CSNK1G1: variants seen among roughly 807,000 people sequenced by gnomAD.
CSNK1G1 encodes casein kinase I isoform gamma-1.
CSNK1G1 carries 22 observed loss-of-function variants against 59.6 expected under a neutral mutation model. The observed-to-expected ratio is 0.37, with a 90% CI of 0.26 to 0.53. CSNK1G1 has a LOEUF of 0.53. Among genes scored for constraint, CSNK1G1 ranks in the 20% least tolerant of loss-of-function variants. CSNK1G1 has a pLI of 0.89. For synonymous variants in CSNK1G1, 179 were observed against 177.1 expected (o/e 1.01, Z -0.08); for missense variants, 384 against 519.5 (o/e 0.74, Z 2.54).
chr15:64,346,062 T>C (rs1897945210), intron 1 of CSNK1G1, among the ~76,000 whole-genome samples: 1 of 152,090 alleles, frequency 6.6e-6, no homozygotes, highest in Non-Finnish European at 1.5e-5. Context: ...GTGCTGAGTG[T>C]GAGCCACTGC....
intron 8 of CSNK1G1, 50 bp downstream of exon 8, chr15:64,204,815 T>A (rs377420695): frequency 3.1e-6 from 4 of 1,303,830 alleles, no homozygotes; most frequent in Non-Finnish European, 4.5e-6. Flanking sequence ...TCATGGACTC[T>A]ACCTAGTTTC....
intron 10 of CSNK1G1, chr15:64,181,269 T>A (rs1420801528): frequency 6.5e-7 from 1 of 1,536,110 alleles, no homozygotes. Flanking sequence ...CTCACTCCTG[T>A]CATCTGGTTA....
intron 2 of CSNK1G1, among the ~76,000 whole-genome samples, chr15:64,296,146 G>A (rs1895008326): frequency 6.6e-6 from 1 of 151,982 alleles, no homozygotes; most frequent in Admixed American, 6.6e-5. Context: ...TTTGAGACAC[G>A]GTCTCACTCT....
chr15:64,260,300 C>T (rs1017293084), intron 2 of CSNK1G1, among the ~76,000 whole-genome samples: 5 of 151,930 alleles, frequency 3.3e-5, no homozygotes, highest in Admixed American at 6.6e-5. Context: ...TGGTACTGTA[C>T]GTACAGCATA....
chr15:64,275,102 G>A (rs1419944681), intron 2 of CSNK1G1, among the ~76,000 whole-genome samples: 1 of 152,118 alleles, frequency 6.6e-6, no homozygotes, highest in East Asian at 1.9e-4. Flanking sequence ...GAGTGCAGTG[G>A]CATGATCTTG....
intron 4 of CSNK1G1, among the ~76,000 whole-genome samples, chr15:64,228,912 G>A (rs1245867285): frequency 6.6e-6 from 1 of 151,378 alleles, no homozygotes. Context: ...CAGCTACTTG[G>A]GAGGCTGAGA....
At chr15:64,315,551 ATTATTC>A (rs1377386101) in intron 1 of CSNK1G1, among the ~76,000 whole-genome samples, 1 of 152,208 alleles carries the variant, frequency 6.6e-6, no homozygotes, top group Non-Finnish European at 1.5e-5. Flanking sequence ...AGTAAAGGCA[ATTATTC>A]CTTTTCAAAA....
chr15:64,325,463 T>C (rs567301535), intron 1 of CSNK1G1, among the ~76,000 whole-genome samples: 89 of 152,354 alleles, frequency 5.8e-4, no homozygotes, highest in African/African-American at 2.1e-3. Flanking sequence ...ATTCTCATAT[T>C]ATAATGGCTT....
At chr15:64,316,409 G>T (rs1052127997) in intron 1 of CSNK1G1, among the ~76,000 whole-genome samples, 1 of 151,802 alleles carries the variant, frequency 6.6e-6, no homozygotes, top group Non-Finnish European at 1.5e-5. Flanking sequence ...GGTGGCACAC[G>T]CCTGTAGTCC....
chr15:64,332,837 G>A (rs989910937), intron 1 of CSNK1G1, among the ~76,000 whole-genome samples: 10 of 151,766 alleles, frequency 6.6e-5, no homozygotes, highest in Non-Finnish European at 1.2e-4. Flanking sequence ...TTTTTTAAAA[G>A]AATTTTTAGC....
At chr15:64,321,092 AT>A in intron 1 of CSNK1G1, among the ~76,000 whole-genome samples, 1 of 152,154 alleles carries the variant, frequency 6.6e-6, no homozygotes, top group Non-Finnish European at 1.5e-5. Context: ...ACTATTGGTA[AT>A]AAGTTTAATT....
intron 2 of CSNK1G1, among the ~76,000 whole-genome samples, chr15:64,271,999 A>G (rs1303267523): frequency 6.6e-6 from 1 of 152,146 alleles, no homozygotes; most frequent in Non-Finnish European, 1.5e-5. Context: ...TTTTACCACT[A>G]TGTAATGTCC....
chr15:64,326,018 T>C (rs1312855553), intron 1 of CSNK1G1, among the ~76,000 whole-genome samples: 1 of 152,178 alleles, frequency 6.6e-6, no homozygotes, highest in Non-Finnish European at 1.5e-5. Context: ...TTTTAAGCCA[T>C]GAACTACAAA....
chr15:64,319,668 C>T (rs1227695186), intron 1 of CSNK1G1, among the ~76,000 whole-genome samples: 1 of 152,096 alleles, frequency 6.6e-6, no homozygotes, highest in African/African-American at 2.4e-5. Flanking sequence ...CCTTAGCCTC[C>T]TGAGTAGTTG....
intron 10 of CSNK1G1, among the ~76,000 whole-genome samples, chr15:64,190,689 C>T (rs1192327417): frequency 1.3e-5 from 2 of 152,128 alleles, no homozygotes; most frequent in African/African-American, 2.4e-5. Context: ...GCTGGAATTA[C>T]AGGCGTGAGC....
At chr15:64,189,334 T>C (rs2081939955) in intron 10 of CSNK1G1, 16 of 1,193,930 alleles carry the variant, frequency 1.3e-5, no homozygotes, top group Non-Finnish European at 1.7e-5. Flanking sequence ...AGGCTCTCCT[T>C]CTTTACCTGC....
intron 4 of CSNK1G1, among the ~76,000 whole-genome samples, chr15:64,242,745 C>A (rs990024034): frequency 2.0e-5 from 3 of 152,126 alleles, no homozygotes; most frequent in African/African-American, 7.2e-5. Context: ...TCCAGGATTA[C>A]CCTGATGCCA....
intron 2 of CSNK1G1, chr15:64,265,863 C>T: frequency 2.2e-6 from 1 of 455,672 alleles, no homozygotes; most frequent in South Asian, 1.6e-5. Context: ...GCAGGAGGAT[C>T]ATTTCAGGCC....
chr15:64,189,070 G>A (rs776919384), intron 10 of CSNK1G1, among the ~76,000 whole-genome samples: 1 of 152,110 alleles, frequency 6.6e-6, no homozygotes, highest in Admixed American at 6.6e-5. Flanking sequence ...AGGTTGCAGT[G>A]AGCCAAGATC....
Sources: allele counts gnomAD v4.1 joint callset (sites outside exome capture counted in the v4.1 genomes callset), GRCh38; gene constraint gnomAD v4.1.1; transcripts MANE v1.5; gene names NCBI Gene and HGNC (gene_info 2026-07-23, HGNC 2026-07-21).